FAM193A: variants seen among roughly 807,000 people sequenced by gnomAD.
FAM193A encodes the protein family with sequence similarity 193 member A, also known as protein FAM193A.
In FAM193A, 22 loss-of-function variants were observed where a neutral mutation model predicts 126.5. The ratio of observed to expected loss-of-function variants is 0.17; its 90% CI spans 0.12 to 0.25. The LOEUF is 0.25. Ranked by LOEUF, FAM193A falls within the 10% of genes least tolerant of loss-of-function variation. The pLI is 1.00. For missense variants in FAM193A, 1,675 were observed against 1,672.8 expected (o/e 1.00, Z -0.02); for synonymous variants, 761 against 646.8 (o/e 1.18, Z -2.68).
In FAM193A at chr4:2,596,090, T is replaced by C. The variant is rs777652833; in HGVS notation, c.262T>C (p.Phe88Leu). 2.3e-5 allele frequency: 16 copies of C among 700,196 alleles called. No individual in the cohort carries two copies. The highest frequency in any genetic ancestry group is 4.6e-4 in the Middle Eastern group (2 of 4,380). 43.4% of individuals were successfully genotyped at this position (700,196 alleles called of 1,614,324 possible). The change falls in exon 2 of 21, where the codon TTT (phenylalanine) becomes CTT (leucine). Residue 88 changes from phenylalanine to leucine, a missense_variant. Phe to Leu is a conservative substitution (Grantham distance 22, BLOSUM62 0). Coordinates refer to ENST00000637812, the MANE Select transcript of FAM193A (RefSeq NM_001366318.2). ...TTTTTTTTTTCTATTCCAGACTCCT[T>C]TTAGTTTTGGCATGAATCATAGGAC... ...AAPGGYFETPFSFGMNHRTPP... is the reference protein window; with the variant it reads ...AAPGGYFETPLSFGMNHRTPP...
chr4:2,560,439 C>T (rs1032309688), intron 1 of FAM193A, among the ~76,000 whole-genome samples: 4 of 152,180 alleles, frequency 2.6e-5, no homozygotes, highest in Admixed American at 6.6e-5. Context: ...ATCTAAACTG[C>T]GCTGTGGCCT....
chr4:2,624,525 G>T (rs185439921), intron 2 of FAM193A, among the ~76,000 whole-genome samples: 15 of 152,294 alleles, frequency 9.8e-5, no homozygotes, highest in African/African-American at 3.6e-4. Flanking sequence ...AGAGGCCTCT[G>T]CCCCGGCTGC....
At chr4:2,540,196 G>T (rs923669013) in intron 1 of FAM193A, among the ~76,000 whole-genome samples, 2 of 151,800 alleles carry the variant, frequency 1.3e-5, no homozygotes, top group African/African-American at 2.4e-5. Context: ...ATGGCCGGGC[G>T]CAGTGGCTCA....
rs1251366935 is a variant in FAM193A at position 2,672,189 on chromosome 4, T to C, written c.2148T>C (p.Ser716=). ...AGGAAGCTTCTGGACTGACACCATCTGCAATGACAGCCGGAGCCCTTCCTC... is the reference window on the plus strand; with the variant it reads ...AGGAAGCTTCTGGACTGACACCATCCGCAATGACAGCCGGAGCCCTTCCTC... ...CKQEASGLTP[S]AMTAGALPPG... Residue 716 remains serine (S), a synonymous_variant, in exon 13 of 21, where the codon TCT becomes TCC. Transcript: ENST00000637812. 6.2e-7 allele frequency: 1 copy of C among 1,614,118 alleles called. No homozygotes were observed.
At chr4:2,629,556 G>A (rs1374356706) in intron 4 of FAM193A, among the ~76,000 whole-genome samples, 2 of 152,098 alleles carry the variant, frequency 1.3e-5, no homozygotes, top group Non-Finnish European at 2.9e-5. Context: ...AGGTAATATG[G>A]CAATTTAAAA....
intron 13 of FAM193A, among the ~76,000 whole-genome samples, chr4:2,687,152 G>A (rs1411871978): frequency 6.6e-6 from 1 of 152,114 alleles, no homozygotes; most frequent in Non-Finnish European, 1.5e-5. Context: ...GCCCAGAGGG[G>A]AGTGCTTCCT....
intron 6 of FAM193A, among the ~76,000 whole-genome samples, chr4:2,645,114 C>G (rs1745004690): frequency 6.6e-6 from 1 of 151,880 alleles, no homozygotes; most frequent in African/African-American, 2.4e-5. Flanking sequence ...TTACCAAGTA[C>G]TGATTCTCCT....
intron 5 of FAM193A, among the ~76,000 whole-genome samples, chr4:2,638,428 T>A (rs1049741159): frequency 1.3e-5 from 2 of 152,216 alleles, no homozygotes; most frequent in Non-Finnish European, 2.9e-5. Context: ...CACGTGCATT[T>A]TTCCTGTACC....
intron 2 of FAM193A, among the ~76,000 whole-genome samples, chr4:2,603,050 G>A (rs996855744): frequency 1.5e-5 from 2 of 131,826 alleles, no homozygotes; most frequent in South Asian, 4.9e-4. Context: ...CTCACTGCAG[G>A]CTCCGCCTTC....
rs115881273 is a variant in FAM193A, at chr4:2,728,683, C to T, written c.4455-3092C>T. Among the ~76,000 whole-genome samples the T allele has an allele frequency of 8.7e-3, 1,322 of 151,996 alleles. 16 individuals are homozygous for T. The highest frequency in any genetic ancestry group is 0.031 in the African/African-American group (1,268 of 41,442). On this transcript the variant is annotated intron_variant, in intron 20 of 20. Coordinates refer to ENST00000637812, the MANE Select transcript of FAM193A (RefSeq NM_001366318.2). ...ATGTCTGTGTGTGTTGGCTTTGAGT[C>T]GTTTGTGCAGGTATGCCCTTGAATG...
intron 19 of FAM193A, among the ~76,000 whole-genome samples, chr4:2,707,089 T>C (rs1267391147): frequency 6.6e-6 from 1 of 151,920 alleles, no homozygotes; most frequent in Non-Finnish European, 1.5e-5. Flanking sequence ...TCCACTGCGC[T>C]CCAGCCGAGG....
chr4:2,695,482 CGTTG>C, intron 17 of FAM193A, among the ~76,000 whole-genome samples: 1 of 152,076 alleles, frequency 6.6e-6, no homozygotes, highest in Non-Finnish European at 1.5e-5. Context: ...ATACAGAGGG[CGTTG>C]GTACACACAC....
chr4:2,657,743 A>G (rs1711883027), intron 7 of FAM193A, 60 bp from the exon 8 acceptor site: 8 of 1,064,378 alleles, frequency 7.5e-6, no homozygotes, highest in Middle Eastern at 2.1e-4. Flanking sequence ...AATGTCTTGT[A>G]TAATTGTCGC....
chr4:2,585,350 A>G (rs1740174448), intron 1 of FAM193A, among the ~76,000 whole-genome samples: 1 of 152,202 alleles, frequency 6.6e-6, no homozygotes, highest in Non-Finnish European at 1.5e-5. Flanking sequence ...GCAGTGCTTG[A>G]GAGTTCCCAT....
intron 5 of FAM193A, 61 bp from the exon 6 acceptor site, chr4:2,639,674 A>C: frequency 6.9e-7 from 1 of 1,451,772 alleles, no homozygotes; most frequent in African/African-American, 1.4e-5. Context: ...CCCTCTGGGA[A>C]TTTTCTAGTC....
chr4:2,573,361 A>G (rs1204702062), intron 1 of FAM193A, among the ~76,000 whole-genome samples: 4 of 151,986 alleles, frequency 2.6e-5, no homozygotes, highest in African/African-American at 9.7e-5. Context: ...AAAATGCAAG[A>G]ATCAGCCAGT....
At chr4:2,625,421 T>A (rs1742851906) in intron 3 of FAM193A, 26 bp downstream of exon 3, 1 of 690,552 alleles carries the variant, frequency 1.4e-6, no homozygotes, top group African/African-American at 1.8e-5. Context: ...GCCACGTTGC[T>A]CACACCTGTC....
At chr4:2,563,437 C>T (rs1738747607) in intron 1 of FAM193A, among the ~76,000 whole-genome samples, 1 of 151,968 alleles carries the variant, frequency 6.6e-6, no homozygotes, top group Non-Finnish European at 1.5e-5. Flanking sequence ...GGCATGGTGG[C>T]TCCCACCTAT....
At chr4:2,581,430 A>G (rs1255683843) in intron 1 of FAM193A, among the ~76,000 whole-genome samples, 2 of 147,842 alleles carry the variant, frequency 1.4e-5, no homozygotes, top group African/African-American at 5.0e-5. Context: ...ATTTTTTTGT[A>G]TTTTAGTACA....
Sources: gnomAD v4.1 joint callset for allele counts (sites outside exome capture counted in the v4.1 genomes callset) on GRCh38, gnomAD v4.1.1 for gene constraint, MANE v1.5 for transcripts, NCBI Gene and HGNC (gene_info 2026-07-23, HGNC 2026-07-21) for gene names.